KIF26B: variants seen among roughly 807,000 people sequenced by gnomAD.
The protein encoded by KIF26B is kinesin-like protein KIF26B.
Under a neutral mutation model 151.2 loss-of-function variants are expected in KIF26B, and 63 were observed. The observed-to-expected ratio is 0.42, with a 90% confidence interval of 0.34 to 0.51. The LOEUF is 0.51. KIF26B is among the 20% of genes least tolerant of loss of function. The probability of loss-of-function intolerance (pLI) is 0.07; values close to 1 mark genes in which losing one functional copy is unlikely to be tolerated. For synonymous variants in KIF26B, 1,357 were observed against 1,262.1 expected (o/e 1.08, Z -1.59); for missense variants, 2,813 against 2,913.6 (o/e 0.97, Z 0.79).
chr1:245,227,233 G>T lies in KIF26B; in HGVS notation c.465+70550G>T, dbSNP rs1461909451. 1.3e-5 allele frequency among the ~76,000 whole-genome samples: 2 copies of T among 152,176 alleles called. No individual in the cohort carries two copies. Among genetic ancestry groups the T allele is most frequent in the Non-Finnish European group, 2.9e-5 (2 of 68,030 alleles). On this transcript the variant is annotated intron_variant, in intron 2 of 14. Transcript: ENST00000407071. This position sits in a 1 kb window ranked among gnomAD's most constrained non-coding sequence, Gnocchi z 4.1. ...CAGAAAGGAAGGAAAACTGGATTAA[G>T]CCAGGATTTGCTTACCTGGAAGGTC...
chr1:245,193,660 G>A (rs1477808830), intron 2 of KIF26B, among the ~76,000 whole-genome samples: 1 of 152,220 alleles, frequency 6.6e-6, no homozygotes, highest in Non-Finnish European at 1.5e-5. Flanking sequence ...CCTCTGAGAT[G>A]TAGGTACTGT....
At chr1:245,692,933 T>G (rs569464539) in intron 12 of KIF26B, among the ~76,000 whole-genome samples, 49 of 152,186 alleles carry the variant, frequency 3.2e-4, no homozygotes, top group African/African-American at 1.1e-3. Context: ...TCCTGGCCAG[T>G]GCACATATCA....
chr1:245,175,313 G>C (rs753185286), intron 2 of KIF26B, among the ~76,000 whole-genome samples: 31 of 152,070 alleles, frequency 2.0e-4, no homozygotes, highest in Non-Finnish European at 4.4e-4. Context: ...ATACACACTA[G>C]ATAGCAGCTA....
At chr1:245,551,217 A>AT (rs1354615480) in intron 5 of KIF26B, among the ~76,000 whole-genome samples, 2 of 151,812 alleles carry the variant, frequency 1.3e-5, no homozygotes, top group African/African-American at 4.8e-5. Context: ...AATTTTTTGT[A>AT]TTTTTTGTAG....
At position 245,241,770 on chromosome 1, in the gene KIF26B, G is replaced by A. The variant is rs1670214345; in HGVS notation, c.465+85087G>A. The stretch of plus-strand genomic sequence containing the variant: ...TGGGCAGTGCTTCACAGCGGCAGCG[G>A]GAGCACTGGGTGCAGCCTCTGGAAG... On this transcript the variant is annotated intron_variant, in intron 2 of 14. Coordinates refer to ENST00000407071, the MANE Select transcript of KIF26B (RefSeq NM_018012.4). The surrounding 1 kb of genome is among the most constrained non-coding windows in gnomAD (Gnocchi z 5.0). 6.6e-6 allele frequency among the ~76,000 whole-genome samples: 1 copy of A among 152,182 alleles called. No homozygotes were observed. Among genetic ancestry groups the A allele is most frequent in the African/African-American group, 2.4e-5 (1 of 41,428 alleles).
intron 9 of KIF26B, among the ~76,000 whole-genome samples, chr1:245,625,858 G>A (rs572804815): frequency 6.8e-6 from 1 of 146,356 alleles, no homozygotes; most frequent in South Asian, 2.1e-4. Flanking sequence ...CTACCTGCAT[G>A]AGATCAACTT....
intron 5 of KIF26B, among the ~76,000 whole-genome samples, chr1:245,582,024 G>T (rs1167303434): frequency 6.6e-6 from 1 of 152,174 alleles, no homozygotes; most frequent in Non-Finnish European, 1.5e-5. Flanking sequence ...TGGAGTAACT[G>T]CCATTTTACT....
chr1:245,462,418 A>G (rs1408220241), intron 4 of KIF26B, among the ~76,000 whole-genome samples: 2 of 152,200 alleles, frequency 1.3e-5, no homozygotes, highest in African/African-American at 4.8e-5. Flanking sequence ...CGAGTTTTGC[A>G]GTGACTTCCT....
chr1:245,540,937 CGGG>C lies in KIF26B; in HGVS notation c.1339_1341del (p.Gly447del). 6.2e-7 allele frequency: 1 copy of C among 1,613,046 alleles called. No homozygotes were observed. The highest frequency in any genetic ancestry group is 8.5e-7 in the Non-Finnish European group (1 of 1,179,230). On this transcript the variant is annotated inframe_deletion, in exon 5 of 15. Coordinates refer to ENST00000407071, the MANE Select transcript of KIF26B (RefSeq NM_018012.4). The surrounding 1 kb of genome is among the most constrained non-coding windows in gnomAD (Gnocchi z 4.6). The stretch of plus-strand genomic sequence containing the variant: ...GCTGTCAACAAGGTGAAGGACACCC[CGGG>C]GCTGGGCAAGGTAGGACCATCCGCC...
chr1:245,243,469 C>CACACACAT (rs1419440042), intron 2 of KIF26B, among the ~76,000 whole-genome samples: 13 of 151,418 alleles, frequency 8.6e-5, no homozygotes, highest in Admixed American at 4.0e-4. Context: ...CACACACACA[C>CACACACAT]ACATATATAT....
intron 2 of KIF26B, among the ~76,000 whole-genome samples, chr1:245,357,608 C>T (rs900500553): frequency 3.3e-5 from 5 of 152,182 alleles, no homozygotes; most frequent in Admixed American, 6.5e-5. Flanking sequence ...CCACCCATGA[C>T]GCTATCCCCA....
rs1028428075 is a variant in KIF26B at position 245,244,666 on chromosome 1, C to G, written c.465+87983C>G. Reference sequence around the variant, plus strand: ...GTGACACCCGTCTTCTCTGTCCTCTCTCTTCATACTGTTGTCTTAGGTGTT... The same window carrying G: ...GTGACACCCGTCTTCTCTGTCCTCTGTCTTCATACTGTTGTCTTAGGTGTT... On this transcript the variant is annotated intron_variant, in intron 2 of 14. Coordinates refer to ENST00000407071, the MANE Select transcript of KIF26B (RefSeq NM_018012.4). The surrounding 1 kb of genome is among the most constrained non-coding windows in gnomAD (Gnocchi z 4.2). Among the ~76,000 whole-genome samples, 4 of 151,980 alleles carry G rather than the reference C, an allele frequency of 2.6e-5. No homozygotes were observed. Among genetic ancestry groups the G allele is most frequent in the African/African-American group, 9.7e-5 (4 of 41,394 alleles).
chr1:245,228,968 ATTTC>A (rs1445104156), intron 2 of KIF26B, among the ~76,000 whole-genome samples: 1 of 151,646 alleles, frequency 6.6e-6, no homozygotes, highest in Non-Finnish European at 1.5e-5. Context: ...TTATTATTGT[ATTTC>A]TTTATTTATT....
intron 2 of KIF26B, among the ~76,000 whole-genome samples, chr1:245,164,876 C>G (rs953077127): frequency 2.0e-5 from 3 of 152,096 alleles, no homozygotes; most frequent in African/African-American, 7.2e-5. Flanking sequence ...AGTTCGAGAC[C>G]AGCCTGGCCA....
At position 245,379,929 on chromosome 1, in the gene KIF26B, C is replaced by T. The variant is rs570955977; in HGVS notation, c.999+12562C>T. On this transcript the variant is annotated intron_variant, in intron 3 of 14. Transcript: ENST00000407071. The stretch of plus-strand genomic sequence containing the variant: ...GAGGTTGCAGTGGGCCGAGATTGTG[C>T]CATTGCACTCCAGCCTGGGCGACAG... Among the ~76,000 whole-genome samples the T allele has an allele frequency of 4.0e-5, 6 of 150,940 alleles. No individual in the cohort carries two copies. The East Asian group carries it at 1.2e-3, about 29-fold the overall frequency.
intron 2 of KIF26B, among the ~76,000 whole-genome samples, chr1:245,254,059 C>T (rs2103566646): frequency 6.6e-6 from 1 of 152,248 alleles, no homozygotes; most frequent in South Asian, 2.1e-4. Context: ...ATTTGCCCGC[C>T]TCGGCCTCCC....
intron 1 of KIF26B, 114 bp from the exon 2 acceptor site, chr1:245,156,168 A>G: frequency 6.9e-7 from 1 of 1,441,094 alleles, no homozygotes. Context: ...GAGGTCCCCA[A>G]CCGACTCCCG....
intron 2 of KIF26B, among the ~76,000 whole-genome samples, chr1:245,273,195 C>T (rs1670881531): frequency 6.6e-6 from 1 of 152,054 alleles, no homozygotes; most frequent in Non-Finnish European, 1.5e-5. Context: ...GGGCGGATCA[C>T]TTGAGGTCAG....
chr1:245,189,144 G>A (rs1027882824), intron 2 of KIF26B, among the ~76,000 whole-genome samples: 5 of 152,238 alleles, frequency 3.3e-5, no homozygotes, highest in Non-Finnish European at 2.9e-5. Context: ...GCGTAGCAAT[G>A]TGAACGTACT....
Sources: gnomAD v4.1 joint callset for allele counts (sites outside exome capture counted in the v4.1 genomes callset) on GRCh38, gnomAD v4.1.1 for gene constraint, Gnocchi (gnomAD v3.1) non-coding constraint, MANE v1.5 for transcripts, NCBI Gene and HGNC (gene_info 2026-07-23, HGNC 2026-07-21) for gene names.